The following GNAI3 variants were observed in gnomAD, a reference collection of about 807,000 sequenced individuals.
The protein encoded by GNAI3 is guanine nucleotide-binding protein G(i) subunit alpha-3.
A neutral mutation model predicts 41.8 loss-of-function variants in GNAI3; 12 were observed. The ratio of observed to expected loss-of-function variants is 0.29; its 90% CI spans 0.18 to 0.47. The LOEUF is 0.47. Ranked by LOEUF, GNAI3 falls within the 20% of genes least tolerant of loss-of-function variation. The pLI, the probability that GNAI3 is intolerant of heterozygous loss-of-function variation, is 1.00. For missense variants in GNAI3, 360 were observed against 429.6 expected (o/e 0.84, Z 1.43); for synonymous variants, 132 against 146.5 (o/e 0.90, Z 0.71).
intron 1 of GNAI3, among the ~76,000 whole-genome samples, chr1:109,555,097 C>T (rs1206243611): frequency 1.3e-5 from 2 of 152,236 alleles, no homozygotes; most frequent in African/African-American, 4.8e-5. Context: ...GTGAAAATGA[C>T]CATACTGCCA....
chr1:109,565,522 C>T (rs1315123964), intron 1 of GNAI3, among the ~76,000 whole-genome samples: 4 of 152,130 alleles, frequency 2.6e-5, no homozygotes, highest in South Asian at 2.1e-4. Context: ...GGAAATCTTC[C>T]GTTTCTGTTA....
intron 1 of GNAI3, among the ~76,000 whole-genome samples, chr1:109,550,926 C>T (rs1647969174): frequency 6.6e-6 from 1 of 152,170 alleles, no homozygotes; most frequent in African/African-American, 2.4e-5. Flanking sequence ...ACAGAGATAC[C>T]CTTAGGACAT....
At chr1:109,550,565 C>G (rs1053755853) in intron 1 of GNAI3, among the ~76,000 whole-genome samples, 10 of 151,600 alleles carry the variant, frequency 6.6e-5, no homozygotes, top group African/African-American at 2.4e-4. Flanking sequence ...ACGGAGTCTC[C>G]CTCTGTTGCC....
At chr1:109,580,904 G>GAA (rs1648874140) in intron 4 of GNAI3, among the ~76,000 whole-genome samples, 1 of 152,176 alleles carries the variant, frequency 6.6e-6, no homozygotes. Flanking sequence ...CTTGGCTTTA[G>GAA]AAACGTTTCA....
chr1:109,588,628 C>T (rs2101110954), intron 7 of GNAI3, among the ~76,000 whole-genome samples: 1 of 152,212 alleles, frequency 6.6e-6, no homozygotes, highest in South Asian at 2.1e-4. Context: ...GGTGCAGTGG[C>T]TCATGCCTGT....
chr1:109,566,158 AGAAT>A (rs1282542343), intron 1 of GNAI3, among the ~76,000 whole-genome samples: 1 of 152,220 alleles, frequency 6.6e-6, no homozygotes, highest in Non-Finnish European at 1.5e-5. Flanking sequence ...CTGTTCAGAA[AGAAT>A]GAGGAGGGCT....
At chr1:109,570,998 T>G (rs1648583460) in intron 1 of GNAI3, among the ~76,000 whole-genome samples, 1 of 152,248 alleles carries the variant, frequency 6.6e-6, no homozygotes, top group Non-Finnish European at 1.5e-5. Flanking sequence ...GTTAAAACTA[T>G]TATATTAACT....
chr1:109,550,665 C>T (rs1335032082), intron 1 of GNAI3, among the ~76,000 whole-genome samples: 2 of 152,116 alleles, frequency 1.3e-5, no homozygotes. Context: ...TCCCAAGTAG[C>T]TGGGACTACA....
At chr1:109,588,408 G>A (rs1234357741) in intron 7 of GNAI3, among the ~76,000 whole-genome samples, 1 of 151,982 alleles carries the variant, frequency 6.6e-6, no homozygotes, top group African/African-American at 2.4e-5. Flanking sequence ...GGATTGCTTG[G>A]CCTTGGTTTC....
At position 109,592,053 on chromosome 1, in the gene GNAI3, A is replaced by G. The variant is rs1366166253; in HGVS notation, c.885A>G (p.Thr295=). The change falls in exon 8 of 9, where the codon ACA becomes ACG. Residue 295 remains threonine, a synonymous_variant. Coordinates refer to ENST00000369851, the MANE Select transcript of GNAI3 (RefSeq NM_006496.4). Reference sequence around the variant, plus strand: ...GGGTGTCCGTTTTAGGTTCCAATACATATGAAGAGGCAGCTGCCTATATTC... The same window carrying G: ...GGGTGTCCGTTTTAGGTTCCAATACGTATGAAGAGGCAGCTGCCTATATTC... ...ICYPEYTGSN[T]YEEAAAYIQC... The G allele has an allele frequency of 5.6e-6, 9 of 1,608,836 alleles. No individual in the cohort carries two copies. Among genetic ancestry groups the G allele is most frequent in the Non-Finnish European group, 7.7e-6 (9 of 1,176,072 alleles).
chr1:109,557,698 C>A (rs1439023075), intron 1 of GNAI3, among the ~76,000 whole-genome samples: 1 of 152,140 alleles, frequency 6.6e-6, no homozygotes, highest in Admixed American at 6.5e-5. Context: ...GGCTCACGCA[C>A]CGCCTGACCC....
At chr1:109,569,583 G>A (rs929412117) in intron 1 of GNAI3, among the ~76,000 whole-genome samples, 1 of 152,190 alleles carries the variant, frequency 6.6e-6, no homozygotes, top group African/African-American at 2.4e-5. Context: ...AGCACAGAGA[G>A]TTGAGGTAAA....
At chr1:109,573,660 G>C (rs774943229) in intron 1 of GNAI3, 77 bp from the exon 2 acceptor site, 1 of 1,205,162 alleles carries the variant, frequency 8.3e-7, no homozygotes, top group Non-Finnish European at 1.2e-6. Flanking sequence ...CATCAATCTA[G>C]AGTTATCATT....
chr1:109,568,571 C>T lies in GNAI3; in HGVS notation c.119-5166C>T, dbSNP rs187512881. The stretch of plus-strand genomic sequence containing the variant: ...AAAACAAAAAACAAACAAACAAAAC[C>T]CCATGTTTAGGTAAATACAGTGATT... On this transcript the variant is annotated intron_variant, in intron 1 of 8. Transcript: ENST00000369851. 2.4e-3 allele frequency among the ~76,000 whole-genome samples: 363 copies of T among 152,134 alleles called. 2 individuals carry two copies. The highest frequency in any genetic ancestry group is 3.4e-3 in the Middle Eastern group (1 of 294).
intron 1 of GNAI3, among the ~76,000 whole-genome samples, chr1:109,559,511 T>C (rs902599814): frequency 2.0e-5 from 3 of 152,224 alleles, no homozygotes. Flanking sequence ...AGATGGAATA[T>C]TTTAGCAAGT....
chr1:109,559,084 G>A (rs1444395064), intron 1 of GNAI3, among the ~76,000 whole-genome samples: 4 of 151,814 alleles, frequency 2.6e-5, no homozygotes, highest in Admixed American at 1.3e-4. Context: ...AGGCTGAGGC[G>A]GGAGAATTGC....
At position 109,553,429 on chromosome 1, in the gene GNAI3, T is replaced by G. The variant is rs552983934; in HGVS notation, c.118+4591T>G. On this transcript the variant is annotated intron_variant, in intron 1 of 8. Transcript: ENST00000369851. ...TGCAGAGAACTGGAATCATCTAATTTACTTAAACTCTATATTATACAGTTA... is the reference window on the plus strand; with the variant it reads ...TGCAGAGAACTGGAATCATCTAATTGACTTAAACTCTATATTATACAGTTA... Among the ~76,000 whole-genome samples the G allele has an allele frequency of 2.6e-5, 4 of 152,352 alleles. No individual in the cohort carries two copies. The East Asian group carries it at 7.7e-4, about 29-fold the overall frequency.
intron 1 of GNAI3, among the ~76,000 whole-genome samples, chr1:109,563,543 T>G (rs574309875): frequency 1.3e-5 from 2 of 152,284 alleles, no homozygotes; most frequent in South Asian, 4.1e-4. Context: ...GCTGCTTAGC[T>G]GAGTGAGCTG....
chr1:109,575,552 T>C (rs1289227545), intron 3 of GNAI3, among the ~76,000 whole-genome samples: 8 of 139,750 alleles, frequency 5.7e-5, no homozygotes, highest in Non-Finnish European at 1.1e-4. Flanking sequence ...TTTTTTTTTT[T>C]TTTTTTTGGA....
Sources: allele counts gnomAD v4.1 joint callset (sites outside exome capture counted in the v4.1 genomes callset), GRCh38; gene constraint gnomAD v4.1.1; transcripts MANE v1.5; gene names NCBI Gene and HGNC (gene_info 2026-07-23, HGNC 2026-07-21).